The following MYH9 variants were observed in gnomAD, a reference collection of about 807,000 sequenced individuals.
MYH9 encodes myosin heavy chain 9.
A neutral mutation model predicts 241.9 loss-of-function variants in MYH9; 29 were observed. That is an observed-to-expected ratio of 0.12 (90% confidence interval 0.09 to 0.16). MYH9 has a LOEUF of 0.16. Ranked by LOEUF, MYH9 falls within the 10% of genes least tolerant of loss-of-function variation. MYH9 has a pLI of 1.00. For missense variants in MYH9, 1,803 were observed against 2,595.5 expected (o/e 0.69, Z 6.63); for synonymous variants, 1,047 against 1,062.6 (o/e 0.99, Z 0.29).
chr22:36,373,128 C>T (rs2018114105), intron 1 of MYH9, among the ~76,000 whole-genome samples: 1 of 152,172 alleles, frequency 6.6e-6, no homozygotes, highest in Non-Finnish European at 1.5e-5. Flanking sequence ...TAAACTGTTG[C>T]AACTTGTTGC....
chr22:36,383,478 A>G (rs1480416077), intron 1 of MYH9, among the ~76,000 whole-genome samples: 1 of 152,158 alleles, frequency 6.6e-6, no homozygotes, highest in Non-Finnish European at 1.5e-5. Context: ...TGGGCCTCAT[A>G]GCCACTTGTG....
chr22:36,287,203 G>A (rs1427213618), intron 34 of MYH9, among the ~76,000 whole-genome samples: 6 of 152,184 alleles, frequency 3.9e-5, no homozygotes, highest in Non-Finnish European at 8.8e-5. Context: ...ACCACAGGCA[G>A]GAAACACCTT....
intron 4 of MYH9, 62 bp from the exon 5 acceptor site, chr22:36,326,723 T>C: frequency 7.2e-7 from 1 of 1,380,256 alleles, no homozygotes; most frequent in South Asian, 1.2e-5. Context: ...CCTCTGTCCC[T>C]TCCCACTGCA....
At chr22:36,354,249 T>C (rs2017816236) in intron 1 of MYH9, among the ~76,000 whole-genome samples, 1 of 151,910 alleles carries the variant, frequency 6.6e-6, no homozygotes, top group Non-Finnish European at 1.5e-5. Flanking sequence ...TTACAGATGA[T>C]GCAGTGGTGG....
rs986257168 is a variant in MYH9 at position 36,306,670 on chromosome 22, C to T, written c.1844-63G>A. On this transcript the variant is annotated intron_variant, in intron 15 of 40. Coordinates refer to ENST00000216181, the MANE Select transcript of MYH9 (RefSeq NM_002473.6). The surrounding 1 kb of genome is among the most constrained non-coding windows in gnomAD (Gnocchi z 4.1). ...GTTGCAGCTGGGTGGTGGGGGAGCA[C>T]GTAGGAGAGAGAGACAGGCACACGT... 40 of 1,499,946 alleles carry T rather than the reference C, an allele frequency of 2.7e-5. No homozygotes were observed. The highest frequency in any genetic ancestry group is 4.0e-4 in the Middle Eastern group (2 of 5,032). The allele number at this position is 1,499,946 out of a possible 1,614,324, so 92.9% of individuals were successfully genotyped here.
rs764367941 is a variant in MYH9, at chr22:36,284,263, G to A, written c.5595C>T (p.Ala1865=). 30 of 1,609,470 alleles carry A rather than the reference G, an allele frequency of 1.9e-5. No homozygotes were observed. Among genetic ancestry groups the A allele is most frequent in the South Asian group, 9.9e-5 (9 of 90,838 alleles). The part of the protein sequence containing the change: ...RRNAEQYKDQ[A]DKASTRLKQL... The stretch of plus-strand genomic sequence containing the variant: ...GCTTCAGGCGGGTAGATGCCTTGTC[G>A]GCCTGCGGAGATGGACGTGTGGCCC... The change falls in exon 40 of 41, where the codon GCC becomes GCT. Residue 1865 remains alanine (A), a splice_region_variant and synonymous_variant. Coordinates refer to ENST00000216181, the MANE Select transcript of MYH9 (RefSeq NM_002473.6).
Position 36,349,093 on chromosome 22 carries a change from C to A in MYH9, c.144G>T (p.Glu48Asp). 1 of 1,614,252 alleles carries A rather than the reference C, an allele frequency of 6.2e-7. No individual in the cohort carries two copies. The highest frequency in any genetic ancestry group is 2.2e-5 in the East Asian group (1 of 44,882). ...KSGFEPASLK[E>D]EVGEEAIVEL... ...CCACGATGGCCTCTTCGCCCACCTC[C>A]TCCTTGAGGCTGGCTGGCTCAAAGC... Residue 48 changes from glutamate to aspartate, a missense_variant, in exon 2 of 41, where the codon GAG becomes GAT. Physicochemically the swap from Glu to Asp is conservative, Grantham distance 45. Coordinates refer to ENST00000216181, the MANE Select transcript of MYH9 (RefSeq NM_002473.6).
intron 1 of MYH9, among the ~76,000 whole-genome samples, chr22:36,375,955 CTT>C (rs751350180): frequency 1.6e-3 from 144 of 89,094 alleles, no homozygotes; most frequent in African/African-American, 3.2e-3. Flanking sequence ...TCAATAATTT[CTT>C]TTTTTTTTTT....
chr22:36,349,281 C>T lies in MYH9; in HGVS notation c.-19-26G>A, dbSNP rs375889857. The T allele has an allele frequency of 3.6e-4, 562 of 1,546,460 alleles. 9 individuals are homozygous for T. In the South Asian group the frequency reaches 4.4e-3, roughly 12 times the overall value. The stretch of plus-strand genomic sequence containing the variant: ...CTAAGCGGGGAGGAGAAGGACAACA[C>T]ATTACATACAACTACGTCAGCCACA... On this transcript the variant is annotated intron_variant, in intron 1 of 40. Transcript: ENST00000216181.
rs962648878 is a variant in MYH9, at chr22:36,324,142, G to A, written c.613-1621C>T. ...TCGCCCTGGCTGGGAGGCGAACTGA[G>A]GCCTCTGTTTGGGACCACACGCTGT... On this transcript the variant is annotated intron_variant, in intron 5 of 40. Coordinates refer to ENST00000216181, the MANE Select transcript of MYH9 (RefSeq NM_002473.6). Among the ~76,000 whole-genome samples the A allele has an allele frequency of 3.3e-5, 5 of 152,270 alleles. No homozygotes were observed. The East Asian group carries it at 7.7e-4, about 23-fold the overall frequency.
chr22:36,315,840 C>G (rs1024363401), intron 12 of MYH9, among the ~76,000 whole-genome samples: 1 of 141,538 alleles, frequency 7.1e-6, no homozygotes, highest in South Asian at 2.3e-4. Context: ...ACACATCTAA[C>G]TGAGCCTGGG....
At chr22:36,354,555 C>T (rs774655478) in intron 1 of MYH9, among the ~76,000 whole-genome samples, 59 of 151,506 alleles carry the variant, frequency 3.9e-4, no homozygotes, top group Non-Finnish European at 6.0e-4. Flanking sequence ...AGCGATTCTC[C>T]GCTGCAGCCT....
Position 36,341,473 on chromosome 22 carries a change from G to A in MYH9, c.387C>T (p.Ile129=). The change falls in exon 3 of 41, where the codon ATC becomes ATT. Residue 129 remains isoleucine, a synonymous_variant. Transcript: ENST00000216181. ...VVINPYKNLP[I]YSEEIVEMYK... ...ACATTTCCACAATCTCTTCAGAGTAGATGGGCAGGTTCTTGTAAGGATTGA... is the reference window on the plus strand; with the variant it reads ...ACATTTCCACAATCTCTTCAGAGTAAATGGGCAGGTTCTTGTAAGGATTGA... The A allele has an allele frequency of 1.2e-6, 2 of 1,614,230 alleles. No individual in the cohort carries two copies. The highest frequency in any genetic ancestry group is 1.7e-6 in the Non-Finnish European group (2 of 1,180,034).
At chr22:36,378,217 T>C (rs889944403) in intron 1 of MYH9, among the ~76,000 whole-genome samples, 2 of 151,688 alleles carry the variant, frequency 1.3e-5, no homozygotes, top group Admixed American at 6.6e-5. Flanking sequence ...GAGGCTGTAG[T>C]GAGTTGCTAT....
chr22:36,351,972 G>C (rs1483729387), intron 1 of MYH9, among the ~76,000 whole-genome samples: 1 of 152,050 alleles, frequency 6.6e-6, no homozygotes, highest in East Asian at 1.9e-4. Flanking sequence ...CAACCATCCT[G>C]GGAAAGAGCT....
chr22:36,299,995 C>A, intron 23 of MYH9, 132 bp downstream of exon 23: 1 of 1,326,652 alleles, frequency 7.5e-7, no homozygotes, highest in Non-Finnish European at 1.1e-6. Flanking sequence ...TGCAGTTAAG[C>A]AGAAGCCCTC....
chr22:36,381,151 C>A (rs1479158123), intron 1 of MYH9, among the ~76,000 whole-genome samples: 1 of 150,468 alleles, frequency 6.6e-6, no homozygotes, highest in Admixed American at 6.6e-5. Flanking sequence ...TTGAGACCTA[C>A]AGATTAGCCA....
intron 3 of MYH9, among the ~76,000 whole-genome samples, chr22:36,338,708 T>C (rs2017537003): frequency 6.6e-6 from 1 of 151,366 alleles, no homozygotes; most frequent in Non-Finnish European, 1.5e-5. Context: ...TAATCCCAGC[T>C]ACTCAGGAGG....
chr22:36,318,969 G>A (rs1185838429), intron 10 of MYH9, among the ~76,000 whole-genome samples: 2 of 151,906 alleles, frequency 1.3e-5, no homozygotes, highest in Non-Finnish European at 2.9e-5. Flanking sequence ...TCACAATGTT[G>A]GCCAGGCTGG....
Sources: allele counts gnomAD v4.1 joint callset (sites outside exome capture counted in the v4.1 genomes callset), GRCh38; gene constraint gnomAD v4.1.1; non-coding constraint Gnocchi (gnomAD v3.1); transcripts MANE v1.5; gene names NCBI Gene and HGNC (gene_info 2026-07-23, HGNC 2026-07-21).